Variants in PPP3CC observed in about 807,000 individuals in gnomAD.
PPP3CC encodes serine/threonine-protein phosphatase 2B catalytic subunit gamma isoform.
PPP3CC carries 35 observed loss-of-function variants against 60.3 expected under a neutral mutation model. That is an observed-to-expected ratio of 0.58 (90% CI 0.44 to 0.77). The LOEUF is 0.77. PPP3CC is among the 30% of genes least tolerant of loss of function. The probability of loss-of-function intolerance (pLI) is 0.00; values close to 1 mark genes in which losing one functional copy is unlikely to be tolerated. For missense variants in PPP3CC, 570 were observed against 628.9 expected (o/e 0.91, Z 1.00); for synonymous variants, 206 against 224.3 (o/e 0.92, Z 0.73).
intron 9 of PPP3CC, among the ~76,000 whole-genome samples, chr8:22,528,291 C>T (rs1056454921): frequency 6.6e-5 from 10 of 152,220 alleles, no homozygotes; most frequent in Non-Finnish European, 1.5e-4. Context: ...TCTTCAAAGA[C>T]TCCAGACTTT....
At chr8:22,479,337 G>A (rs1385715017) in intron 3 of PPP3CC, among the ~76,000 whole-genome samples, 2 of 151,868 alleles carry the variant, frequency 1.3e-5, no homozygotes, top group Non-Finnish European at 2.9e-5. Flanking sequence ...CTTTCTTGCA[G>A]CCTTTTTTCT....
At chr8:22,505,900 CTT>C (rs1031848968) in intron 4 of PPP3CC, among the ~76,000 whole-genome samples, 1 of 140,372 alleles carries the variant, frequency 7.1e-6, no homozygotes, top group Non-Finnish European at 1.6e-5. Flanking sequence ...GGCATCTTTT[CTT>C]TTTTTTTTTT....
intron 4 of PPP3CC, among the ~76,000 whole-genome samples, chr8:22,505,589 C>T (rs1179902178): frequency 6.6e-6 from 1 of 152,086 alleles, no homozygotes; most frequent in African/African-American, 2.4e-5. Flanking sequence ...CAAAATTTTA[C>T]CTTTACTCTC....
intron 1 of PPP3CC, among the ~76,000 whole-genome samples, chr8:22,442,343 C>T (rs1349014322): frequency 1.3e-5 from 2 of 152,136 alleles, no homozygotes; most frequent in African/African-American, 4.8e-5. Context: ...CCTCTGGATG[C>T]AGGGGTTAGC....
At chr8:22,448,579 G>A (rs550460511) in intron 1 of PPP3CC, among the ~76,000 whole-genome samples, 5 of 151,992 alleles carry the variant, frequency 3.3e-5, no homozygotes, top group Admixed American at 2.6e-4. Flanking sequence ...AGGTTTCTCC[G>A]TATTGGTCAG....
At chr8:22,512,430 C>T (rs1481930418) in intron 5 of PPP3CC, among the ~76,000 whole-genome samples, 5 of 152,136 alleles carry the variant, frequency 3.3e-5, no homozygotes, top group Non-Finnish European at 7.4e-5. Context: ...TTTATGCTTT[C>T]AACTAAAGCA....
intron 3 of PPP3CC, among the ~76,000 whole-genome samples, chr8:22,495,039 C>T (rs1838524774): frequency 6.6e-6 from 1 of 152,142 alleles, no homozygotes; most frequent in South Asian, 2.1e-4. Context: ...CCTCAAACTC[C>T]TCGCCTCAAG....
At chr8:22,495,661 C>T (rs1303865100) in intron 3 of PPP3CC, among the ~76,000 whole-genome samples, 3 of 151,820 alleles carry the variant, frequency 2.0e-5, no homozygotes, top group African/African-American at 7.3e-5. Context: ...CAGGTTCAAG[C>T]GATTCTTCTG....
intron 1 of PPP3CC, among the ~76,000 whole-genome samples, chr8:22,461,626 A>C (rs1837364096): frequency 6.6e-6 from 1 of 152,182 alleles, no homozygotes; most frequent in African/African-American, 2.4e-5. Flanking sequence ...ACCACCAAGA[A>C]AACATCTGTA....
Position 22,509,436 on chromosome 8 carries a change from C to T in PPP3CC, c.485-1650C>T, listed in dbSNP as rs191935397. ...GGAAGAGGAGAAGGAGCTCACGGTT[C>T]TGCAGGGTTGCCTGACTATATTTCT... On this transcript the variant is annotated intron_variant, in intron 4 of 13. Transcript: ENST00000240139. Among the ~76,000 whole-genome samples, 6 of 152,358 alleles carry T rather than the reference C, an allele frequency of 3.9e-5. No homozygotes were observed. In the East Asian group the frequency reaches 1.2e-3, roughly 29 times the overall value.
At chr8:22,469,675 G>T (rs1837655811) in intron 1 of PPP3CC, among the ~76,000 whole-genome samples, 2 of 152,014 alleles carry the variant, frequency 1.3e-5, no homozygotes, top group African/African-American at 4.8e-5. Flanking sequence ...TCAAAAACCT[G>T]AGCTAAGCTG....
rs145783198 is a variant in PPP3CC, at chr8:22,511,067, G to A, written c.485-19G>A. Reference sequence around the variant, plus strand: ...ATACGTTTTAGTTCTTCCATTGACTGGTTTTCCTTTTTTGTTAGGTCGAAT... The same window carrying A: ...ATACGTTTTAGTTCTTCCATTGACTAGTTTTCCTTTTTTGTTAGGTCGAAT... On this transcript the variant is annotated intron_variant, in intron 4 of 13. Transcript: ENST00000240139. The A allele has an allele frequency of 6.9e-5, 111 of 1,612,284 alleles. No individual in the cohort carries two copies. The East Asian group carries it at 1.7e-3, about 24-fold the overall frequency.
chr8:22,515,092 T>C (rs542746433), intron 6 of PPP3CC, among the ~76,000 whole-genome samples: 5 of 152,338 alleles, frequency 3.3e-5, no homozygotes, highest in Non-Finnish European at 7.4e-5. Flanking sequence ...ACTGTTTTTT[T>C]CGACCCATTA....
intron 1 of PPP3CC, among the ~76,000 whole-genome samples, chr8:22,457,669 A>G (rs1235604384): frequency 1.3e-5 from 2 of 152,152 alleles, no homozygotes; most frequent in African/African-American, 4.8e-5. Flanking sequence ...TTCCCCCTTT[A>G]TAATCTTCCG....
rs952956411 is a variant in PPP3CC at position 22,532,900 on chromosome 8, G to A, written c.1224-21G>A. Reference sequence around the variant, plus strand: ...TGGAGAGTTCTCGGGCATTAACCCAGGGTTTGGTCTCCCTTTGCAGGCAAG... The same window carrying A: ...TGGAGAGTTCTCGGGCATTAACCCAAGGTTTGGTCTCCCTTTGCAGGCAAG... On this transcript the variant is annotated intron_variant, in intron 11 of 13. Coordinates refer to ENST00000240139, the MANE Select transcript of PPP3CC (RefSeq NM_005605.5). The A allele has an allele frequency of 2.0e-6, 3 of 1,523,286 alleles. No individual in the cohort carries two copies. The African/African-American group carries it at 4.2e-5, about 21-fold the overall frequency. The allele number at this position is 1,523,286 out of a possible 1,614,324, so 94.4% of individuals were successfully genotyped here. A position where few individuals can be genotyped will look rare whatever the true frequency, so the allele number is the denominator to read the frequency against.
At chr8:22,461,585 G>A (rs1006548674) in intron 1 of PPP3CC, among the ~76,000 whole-genome samples, 2 of 152,116 alleles carry the variant, frequency 1.3e-5, no homozygotes, top group African/African-American at 4.8e-5. Context: ...CCAGTTTCCT[G>A]CCATGGGACT....
intron 1 of PPP3CC, among the ~76,000 whole-genome samples, chr8:22,443,230 G>T (rs927003170): frequency 1.3e-5 from 2 of 152,118 alleles, no homozygotes; most frequent in African/African-American, 2.4e-5. Flanking sequence ...AAGTTAAAAT[G>T]CAGGGGCTAG....
intron 3 of PPP3CC, 42 bp from the exon 4 acceptor site, chr8:22,497,958 TA>T: frequency 7.4e-7 from 1 of 1,353,538 alleles, no homozygotes; most frequent in Non-Finnish European, 1.0e-6. Context: ...TTATGCATTA[TA>T]ATGGTCACAA....
chr8:22,462,052 TAGTG>T (rs1445662529), intron 1 of PPP3CC, among the ~76,000 whole-genome samples: 2 of 152,098 alleles, frequency 1.3e-5, no homozygotes, highest in East Asian at 1.9e-4. Flanking sequence ...CTGTTTAACT[TAGTG>T]AGACCTCAGT....
Sources: allele counts gnomAD v4.1 joint callset (sites outside exome capture counted in the v4.1 genomes callset), GRCh38; gene constraint gnomAD v4.1.1; transcripts MANE v1.5; gene names NCBI Gene and HGNC (gene_info 2026-07-23, HGNC 2026-07-21).